The following MYSM1 variants were observed in gnomAD, a reference collection of about 807,000 sequenced individuals.
MYSM1 encodes deubiquitinase MYSM1.
In MYSM1, 51 loss-of-function variants were observed where a neutral mutation model predicts 116.0. The observed-to-expected ratio is 0.44, with a 90% CI of 0.35 to 0.56. MYSM1 has a LOEUF of 0.56. MYSM1 is among the 20% of genes least tolerant of loss of function. MYSM1 has a pLI of 0.00. For synonymous variants in MYSM1, 313 were observed against 315.2 expected (o/e 0.99, Z 0.07); for missense variants, 900 against 974.9 (o/e 0.92, Z 1.02).
Position 58,660,009 on chromosome 1 carries a change from T to C in MYSM1, c.2475A>G (p.Glu825=), listed in dbSNP as rs751503401. ...AACTTTAAAATAATCACATTAACAA[T>C]TCCTTTGTACAGTTCTCTTCGGTTA... is the stretch of plus-strand genomic sequence containing the variant. The part of the protein sequence containing the change: ...NGVTEENCTK[E]LLM Residue 825 remains glutamate (E), a synonymous_variant, in exon 20 of 20, where the codon GAA becomes GAG. Transcript: ENST00000472487. 1.3e-6 allele frequency: 2 copies of C among 1,561,450 alleles called. No individual in the cohort carries two copies. The highest frequency in any genetic ancestry group is 2.3e-5 in the East Asian group (1 of 43,620).
Position 58,668,667 on chromosome 1 carries a change from T to C in MYSM1, c.1732A>G (p.Lys578Glu), listed in dbSNP as rs1307522674. The C allele has an allele frequency of 1.9e-6, 3 of 1,606,050 alleles. No individual in the cohort carries two copies. The Admixed American group carries it at 5.1e-5, about 27-fold the overall frequency. ...SEEKQEPFQV[K>E]VASEALLIMD... The stretch of plus-strand genomic sequence containing the variant: ...ATTAAAAGTGCTTCTGAAGCCACTT[T>C]CACCTGAAATGGCTCCTGAAATATA... The change falls in exon 14 of 20, where the codon AAA becomes GAA. Residue 578 changes from lysine to glutamate, a missense_variant. Lys to Glu is a moderately conservative substitution (Grantham distance 56). Around this residue, in one of 3 missense-constraint regions of MYSM1, gnomAD observed 92 missense variants for 155.0 expected, o/e 0.59. Transcript: ENST00000472487.
At chr1:58,692,840 C>T in intron 3 of MYSM1, 21 bp downstream of exon 3, 1 of 1,580,610 alleles carries the variant, frequency 6.3e-7, no homozygotes. Context: ...CTGTACTTTC[C>T]TCATAATCAT....
Position 58,672,072 on chromosome 1 carries a change from T to C in MYSM1, c.1573-114A>G. 8 of 740,152 alleles carry C rather than the reference T, an allele frequency of 1.1e-5. No individual in the cohort carries two copies. In the South Asian group the frequency reaches 1.4e-4, roughly 13 times the overall value. 45.8% of individuals were successfully genotyped at this position (740,152 alleles called of 1,614,324 possible). A position where few individuals can be genotyped will look rare whatever the true frequency, so the allele number is the denominator to read the frequency against. On this transcript the variant is annotated intron_variant, in intron 11 of 19. Transcript: ENST00000472487. ...GTGAGGACAAGAGAGACTAAATTGA[T>C]ATAGATGGGCTTCCTTTTTGCTACC... is the stretch of plus-strand genomic sequence containing the variant.
At position 58,667,067 on chromosome 1, in the gene MYSM1, G is replaced by A. The variant is rs371863569; in HGVS notation, c.2002C>T (p.Arg668Ter). The A allele has an allele frequency of 6.2e-6, 10 of 1,611,434 alleles. No individual in the cohort carries two copies. The highest frequency in any genetic ancestry group is 1.1e-5 in the South Asian group (1 of 90,736). ...HPAFDPNPSL[R>*]DIDTQAKYQS... is the part of the protein sequence containing the mutation. ...TATTTAGCTTGTGTGTCAATATCTC[G>A]TAAGGAAGGATTAGGATCAAAAGCA... The change falls in exon 16 of 20, where the codon CGA becomes TGA. Residue 668 changes from arginine to a stop codon, truncating the protein, a stop_gained. Coordinates refer to ENST00000472487, the MANE Select transcript of MYSM1 (RefSeq NM_001085487.3). LOFTEE classifies it high-confidence loss of function.
At chr1:58,683,919 AT>A (rs1340928773) in intron 7 of MYSM1, among the ~76,000 whole-genome samples, 4 of 152,288 alleles carry the variant, frequency 2.6e-5, no homozygotes, top group Admixed American at 6.5e-5. Flanking sequence ...AATATGAAAA[AT>A]GTATCCTTCT....
intron 1 of MYSM1, among the ~76,000 whole-genome samples, 183 bp from the exon 2 acceptor site, chr1:58,695,390 C>G (rs1354625926): frequency 6.6e-6 from 1 of 152,148 alleles, no homozygotes; most frequent in Non-Finnish European, 1.5e-5. Flanking sequence ...CTGTGAAACA[C>G]GTGGTAGTGC....
At chr1:58,699,268 C>T (rs1645028001) in intron 1 of MYSM1, among the ~76,000 whole-genome samples, 1 of 152,178 alleles carries the variant, frequency 6.6e-6, no homozygotes, top group African/African-American at 2.4e-5. Context: ...ACAGTACTGT[C>T]CCCGAGGGTA....
rs374389099 is a variant in MYSM1, at chr1:58,698,084, C to CTATATATA, written c.68+1893_68+1900dup. Among the ~76,000 whole-genome samples, 24 of 31,380 alleles carry CTATATATA rather than the reference C, an allele frequency of 7.6e-4. 1 individual carries two copies. The highest frequency in any genetic ancestry group is 1.0e-3 in the African/African-American group (8 of 7,854). The allele number at this position is 31,380 out of a possible 152,430, so 20.6% of individuals were successfully genotyped here. ...ACACCACTGGACACTATTTATCAGA[C>CTATATATA]TATATATATATATATATATTTTTTT... On this transcript the variant is annotated intron_variant, in intron 1 of 19. Transcript: ENST00000472487.
In MYSM1 at chr1:58,690,323, T is replaced by G. The variant is rs779614005; in HGVS notation, c.296+17A>C. The G allele has an allele frequency of 6.3e-7, 1 of 1,591,986 alleles. No homozygotes were observed. The highest frequency in any genetic ancestry group is 1.8e-5 in the Admixed American group (1 of 56,036). ...ACTACAATCCAGACTTTTAGAAATA[T>G]TATAAATTGATTTTACCTCTTCATG... On this transcript the variant is annotated intron_variant, in intron 4 of 19. Transcript: ENST00000472487.
At chr1:58,662,016 A>T (rs990313827) in intron 17 of MYSM1, among the ~76,000 whole-genome samples, 4 of 151,962 alleles carry the variant, frequency 2.6e-5, no homozygotes, top group Non-Finnish European at 4.4e-5. Flanking sequence ...ATACATTAAA[A>T]ATCATATTTA....
intron 1 of MYSM1, among the ~76,000 whole-genome samples, chr1:58,699,291 A>G (rs1011575214): frequency 5.9e-5 from 9 of 152,218 alleles, no homozygotes; most frequent in Admixed American, 4.6e-4. Flanking sequence ...AGGATGGTAA[A>G]GAATACATTC....
chr1:58,697,122 T>C (rs753835594), intron 1 of MYSM1, among the ~76,000 whole-genome samples: 5 of 152,084 alleles, frequency 3.3e-5, no homozygotes, highest in Non-Finnish European at 7.4e-5. Context: ...TTAGACAGAA[T>C]CAACAGCCCT....
Position 58,673,662 on chromosome 1 carries a change from T to A in MYSM1, c.1495-12A>T. 6.2e-7 allele frequency: 1 copy of A among 1,612,098 alleles called. No individual in the cohort carries two copies. The highest frequency in any genetic ancestry group is 1.1e-5 in the South Asian group (1 of 90,956). On this transcript the variant is annotated splice_polypyrimidine_tract_variant and intron_variant, in intron 10 of 19. Transcript: ENST00000472487. ...CGTCTCCTTGTACGCTGCGATGAGATTAAAGTAAAGCAAAAGGTAGCAAGA... is the reference window on the plus strand; with the variant it reads ...CGTCTCCTTGTACGCTGCGATGAGAATAAAGTAAAGCAAAAGGTAGCAAGA...
chr1:58,668,677 T>C lies in MYSM1; in HGVS notation c.1722A>G (p.Pro574=), dbSNP rs1257909919. 4.4e-6 allele frequency: 7 copies of C among 1,604,796 alleles called. No individual in the cohort carries two copies. The highest frequency in any genetic ancestry group is 2.2e-5 in the East Asian group (1 of 44,766). Residue 574 remains proline (P), a synonymous_variant, in exon 14 of 20, where the codon CCA becomes CCG. Transcript: ENST00000472487. The part of the protein sequence containing the change: ...CNFFSEEKQE[P]FQVKVASEAL... Reference sequence around the variant, plus strand: ...CTTCTGAAGCCACTTTCACCTGAAATGGCTCCTGAAATATAAAAAACAAAA... The same window carrying C: ...CTTCTGAAGCCACTTTCACCTGAAACGGCTCCTGAAATATAAAAAACAAAA...
chr1:58,680,176 T>C lies in MYSM1; in HGVS notation c.1259+1609A>G, dbSNP rs149171103. 3.0e-3 allele frequency among the ~76,000 whole-genome samples: 461 copies of C among 152,254 alleles called. 4 individuals carry two copies. The highest frequency in any genetic ancestry group is 0.01 in the African/African-American group (427 of 41,540). On this transcript the variant is annotated intron_variant, in intron 8 of 19. Transcript: ENST00000472487. Reference sequence around the variant, plus strand: ...AAAGTAGATACCAATAGAAATCTAATTTAACTAGTCTTTGTCATTAGTGTG... The same window carrying C: ...AAAGTAGATACCAATAGAAATCTAACTTAACTAGTCTTTGTCATTAGTGTG...
At position 58,699,944 on chromosome 1, in the gene MYSM1, TC is replaced by T. The variant is rs111351193; in HGVS notation, c.68+40del. 1.4e-3 allele frequency: 2,212 copies of T among 1,611,770 alleles called. 34 individuals are homozygous for T. In the African/African-American group the frequency reaches 0.024, roughly 17 times the overall value. On this transcript the variant is annotated intron_variant, in intron 1 of 19. Coordinates refer to ENST00000472487, the MANE Select transcript of MYSM1 (RefSeq NM_001085487.3). ...CCCAGGGCCCGCTCCTTCAATCCAC[TC>T]CCCTCTCCGCCCCAGAGAGACCCGG...
intron 10 of MYSM1, among the ~76,000 whole-genome samples, chr1:58,674,858 T>C (rs2100626671): frequency 1.4e-5 from 2 of 146,118 alleles, no homozygotes; most frequent in South Asian, 2.1e-4. Flanking sequence ...ACCCGGGAGA[T>C]GGAGCTTGCA....
At chr1:58,660,784 T>C (rs1382587762) in intron 19 of MYSM1, among the ~76,000 whole-genome samples, 1 of 152,092 alleles carries the variant, frequency 6.6e-6, no homozygotes, top group African/African-American at 2.4e-5. Context: ...TATTAGAAAG[T>C]TAAATAAAAT....
chr1:58,665,423 T>C, intron 17 of MYSM1, 76 bp downstream of exon 17: 1 of 1,167,644 alleles, frequency 8.6e-7, no homozygotes, highest in African/African-American at 1.6e-5. Context: ...TTTAAACAGT[T>C]GCAAATCTTT....
Sources: allele counts gnomAD v4.1 joint callset (sites outside exome capture counted in the v4.1 genomes callset), GRCh38; gene constraint gnomAD v4.1.1; regional missense constraint gnomAD v4.1.1; transcripts MANE v1.5; gene names NCBI Gene and HGNC (gene_info 2026-07-23, HGNC 2026-07-21).